TRDN: variants seen among roughly 807,000 people sequenced by gnomAD.
The protein encoded by TRDN is triadin.
A neutral mutation model predicts 149.7 loss-of-function variants in TRDN; 161 were observed. The ratio of observed to expected loss-of-function variants is 1.08; its 90% confidence interval spans 0.95 to 1.23. The LOEUF is 1.23. TRDN is among the 50% of genes most tolerant of loss of function. TRDN has a pLI of 0.00. For synonymous variants in TRDN, 294 were observed against 250.5 expected (o/e 1.17, Z -1.64); for missense variants, 896 against 823.5 (o/e 1.09, Z -1.08).
intron 13 of TRDN, among the ~76,000 whole-genome samples, chr6:123,391,480 T>G (rs1278494699): frequency 5.9e-5 from 9 of 152,182 alleles, no homozygotes; most frequent in African/African-American, 1.9e-4. Flanking sequence ...GAGGTTATTG[T>G]CTCATGTCTT....
intron 12 of TRDN, among the ~76,000 whole-genome samples, chr6:123,416,073 G>T (rs1005225706): frequency 6.6e-6 from 1 of 152,120 alleles, no homozygotes; most frequent in Non-Finnish European, 1.5e-5. Flanking sequence ...TTTCTGAAGA[G>T]AATTTCATAT....
At chr6:123,223,778 T>C (rs1316157536) in intron 39 of TRDN, among the ~76,000 whole-genome samples, 16 of 150,796 alleles carry the variant, frequency 1.1e-4, no homozygotes, top group Admixed American at 9.4e-4. Context: ...GTCTTCTTAA[T>C]AAAATCATGG....
chr6:123,393,796 A>C (rs1217861172), intron 12 of TRDN, 119 bp from the exon 13 acceptor site: 2 of 935,580 alleles, frequency 2.1e-6, no homozygotes, highest in Non-Finnish European at 3.2e-6. Flanking sequence ...TTTGACACGA[A>C]GAATTTTTGT....
At chr6:123,578,251 T>G (rs1031354378) in intron 1 of TRDN, among the ~76,000 whole-genome samples, 1 of 152,168 alleles carries the variant, frequency 6.6e-6, no homozygotes, top group South Asian at 2.1e-4. Flanking sequence ...TTTTCCAGAT[T>G]TTTTGTAGTT....
At chr6:123,555,016 G>C (rs1051422514) in intron 2 of TRDN, among the ~76,000 whole-genome samples, 1 of 152,150 alleles carries the variant, frequency 6.6e-6, no homozygotes, top group African/African-American at 2.4e-5. Flanking sequence ...AGTCTTCTGA[G>C]ACTTTGGGTC....
intron 7 of TRDN, among the ~76,000 whole-genome samples, chr6:123,508,768 CATGCTGTGTTCT>C (rs770368051): frequency 6.6e-5 from 10 of 152,298 alleles, no homozygotes; most frequent in Middle Eastern, 3.4e-3. Flanking sequence ...GAGCAAGAAA[CATGCTGTGTTCT>C]ATGCAAGTGC....
chr6:123,354,286 T>C (rs971429288), intron 20 of TRDN, among the ~76,000 whole-genome samples: 1 of 151,882 alleles, frequency 6.6e-6, no homozygotes, highest in African/African-American at 2.4e-5. Flanking sequence ...TTGAGCCTTA[T>C]TCTTTTTGTT....
intron 24 of TRDN, among the ~76,000 whole-genome samples, chr6:123,309,680 T>C (rs531628525): frequency 1.3e-5 from 2 of 152,054 alleles, no homozygotes; most frequent in South Asian, 4.2e-4. Context: ...CATAGTTTTT[T>C]TTCAATAAAT....
chr6:123,569,712 G>A (rs1335767369), intron 2 of TRDN, among the ~76,000 whole-genome samples: 27 of 151,992 alleles, frequency 1.8e-4, no homozygotes, highest in Admixed American at 1.8e-3. Flanking sequence ...AAGAGGGAGA[G>A]AGTGGAGCAG....
At chr6:123,437,951 C>T (rs1774664879) in intron 12 of TRDN, 112 bp downstream of exon 12, 1 of 929,414 alleles carries the variant, frequency 1.1e-6, no homozygotes, top group African/African-American at 1.7e-5. Flanking sequence ...ACCTTCACGT[C>T]TTGGGTAGAT....
chr6:123,449,957 C>A (rs34958269), intron 10 of TRDN, among the ~76,000 whole-genome samples: 22,957 of 152,066 alleles, frequency 0.15, 2,246 homozygotes, highest in African/African-American at 0.28. Flanking sequence ...AATTTTGTAT[C>A]CAGTGAAACT....
intron 1 of TRDN, among the ~76,000 whole-genome samples, chr6:123,629,725 C>A (rs1785879241): frequency 6.6e-6 from 1 of 152,080 alleles, no homozygotes; most frequent in Admixed American, 6.6e-5. Context: ...ACCAAAGAAT[C>A]TCTCACAATT....
chr6:123,504,145 T>C (rs995279358), intron 7 of TRDN, among the ~76,000 whole-genome samples: 8 of 151,886 alleles, frequency 5.3e-5, no homozygotes, highest in African/African-American at 1.7e-4. Flanking sequence ...CTACTAAAAG[T>C]GTTATGGCTT....
At chr6:123,505,315 C>T (rs1285056333) in intron 7 of TRDN, among the ~76,000 whole-genome samples, 1 of 149,532 alleles carries the variant, frequency 6.7e-6, no homozygotes, top group African/African-American at 2.5e-5. Flanking sequence ...CTTTGGTACC[C>T]TAAATGATGA....
chr6:123,538,634 T>A (rs1015118906), intron 4 of TRDN, among the ~76,000 whole-genome samples: 3 of 152,252 alleles, frequency 2.0e-5, no homozygotes, highest in Middle Eastern at 3.4e-3. Context: ...CTTTCAGAGA[T>A]GTTGAAGCCC....
intron 12 of TRDN, among the ~76,000 whole-genome samples, chr6:123,411,194 C>T (rs562553293): frequency 6.6e-6 from 1 of 151,636 alleles, no homozygotes; most frequent in East Asian, 2.0e-4. Flanking sequence ...TTACAGGTGC[C>T]CGCCACCACG....
chr6:123,507,578 T>G (rs149217921), intron 7 of TRDN, among the ~76,000 whole-genome samples: 271 of 152,280 alleles, frequency 1.8e-3, no homozygotes, highest in African/African-American at 6.3e-3. Context: ...TATTTACTTT[T>G]GAGTACACAT....
At chr6:123,536,708 A>AATAAATAT (rs950668081) in intron 4 of TRDN, among the ~76,000 whole-genome samples, 2 of 149,352 alleles carry the variant, frequency 1.3e-5, no homozygotes, top group African/African-American at 4.9e-5. Flanking sequence ...TAAATAAATA[A>AATAAATAT]ATAAATAAAT....
intron 24 of TRDN, among the ~76,000 whole-genome samples, chr6:123,305,001 C>T (rs1778556952): frequency 6.6e-6 from 1 of 152,036 alleles, no homozygotes; most frequent in South Asian, 2.1e-4. Flanking sequence ...AATTTAAAAA[C>T]TATTTGCAAA....
Sources: allele counts gnomAD v4.1 joint callset (sites outside exome capture counted in the v4.1 genomes callset), GRCh38; gene constraint gnomAD v4.1.1; transcripts MANE v1.5; gene names NCBI Gene and HGNC (gene_info 2026-07-23, HGNC 2026-07-21).